AIG1: variants seen among roughly 807,000 people sequenced by gnomAD.
AIG1 encodes the protein androgen-induced gene 1 protein.
In AIG1, 23 loss-of-function variants were observed where a neutral mutation model predicts 31.4. The ratio of observed to expected loss-of-function variants is 0.73; its 90% CI spans 0.53 to 1.04. AIG1 has a LOEUF of 1.04. Among genes scored for constraint, AIG1 ranks in the 50% least tolerant of loss-of-function variants. AIG1 has a pLI of 0.00. For missense variants in AIG1, 274 were observed against 295.0 expected, an observed-to-expected ratio of 0.93 and a Z score of 0.52; for synonymous variants, 100 against 110.5, an observed-to-expected ratio of 0.90 and a Z score of 0.60.
chr6:143,213,759 C>A (rs965672218), intron 3 of AIG1, among the ~76,000 whole-genome samples: 1 of 151,564 alleles, frequency 6.6e-6, no homozygotes, highest in African/African-American at 2.4e-5. Context: ...TCAGGTGACC[C>A]ACCTGCCTCA....
chr6:143,065,123 T>A (rs1335812666), intron 1 of AIG1, among the ~76,000 whole-genome samples: 1 of 152,194 alleles, frequency 6.6e-6, no homozygotes, highest in Non-Finnish European at 1.5e-5. Context: ...TGGAATGTTG[T>A]AATGTTGGTT....
At chr6:143,290,063 G>A (rs1797948612) in intron 4 of AIG1, among the ~76,000 whole-genome samples, 1 of 152,036 alleles carries the variant, frequency 6.6e-6, no homozygotes, top group South Asian at 2.1e-4. Context: ...TTCTGGCATT[G>A]GAGAACCGAG....
At chr6:143,140,462 C>T (rs1332750361) in intron 2 of AIG1, among the ~76,000 whole-genome samples, 1 of 152,172 alleles carries the variant, frequency 6.6e-6, no homozygotes, top group East Asian at 1.9e-4. Context: ...CCTTTCTGTA[C>T]CTTTTTCCCT....
intron 3 of AIG1, among the ~76,000 whole-genome samples, chr6:143,214,954 C>T (rs371398130): frequency 3.9e-5 from 6 of 152,096 alleles, no homozygotes; most frequent in East Asian, 1.9e-4. Flanking sequence ...ACAAATATAC[C>T]GTGGTGTGGG....
chr6:143,204,788 A>G (rs545090327), intron 3 of AIG1, among the ~76,000 whole-genome samples: 126 of 152,272 alleles, frequency 8.3e-4, no homozygotes, highest in African/African-American at 2.9e-3. Context: ...TGTCCACCTC[A>G]GAGATAAGGA....
intron 3 of AIG1, among the ~76,000 whole-genome samples, chr6:143,190,980 A>AT (rs922717265): frequency 8.6e-5 from 13 of 150,646 alleles, no homozygotes; most frequent in South Asian, 2.1e-4. Context: ...GACACTATCT[A>AT]TTTTTTTTTA....
intron 1 of AIG1, among the ~76,000 whole-genome samples, chr6:143,071,736 C>T: frequency 6.6e-6 from 1 of 150,574 alleles, no homozygotes; most frequent in African/African-American, 2.4e-5. Flanking sequence ...CCTCTTTCTC[C>T]TCCCCCTCTT....
At chr6:143,090,803 G>A (rs890756897) in intron 1 of AIG1, among the ~76,000 whole-genome samples, 2 of 152,118 alleles carry the variant, frequency 1.3e-5, no homozygotes, top group Non-Finnish European at 2.9e-5. Flanking sequence ...CTGAAGGTTG[G>A]GGTGACTGGC....
Position 143,279,370 on chromosome 6 carries a change from G to A in AIG1, c.400-4740G>A, listed in dbSNP as rs1222287551. On this transcript the variant is annotated intron_variant, in intron 3 of 5. Transcript: ENST00000357847. This position sits in a 1 kb window ranked among gnomAD's most constrained non-coding sequence, Gnocchi z 5.4. ...AAGCTTCACACATGTGTGAGAACCT[G>A]CGGGTCTGAGAGTGAGGAAGGACAA... 6.6e-6 allele frequency among the ~76,000 whole-genome samples: 1 copy of A among 152,184 alleles called. No homozygotes were observed. Among genetic ancestry groups the A allele is most frequent in the Non-Finnish European group, 1.5e-5 (1 of 68,034 alleles).
intron 3 of AIG1, among the ~76,000 whole-genome samples, chr6:143,240,963 G>A (rs1016594445): frequency 5.3e-5 from 8 of 151,986 alleles, no homozygotes; most frequent in East Asian, 1.9e-4. Context: ...ACACATTCCC[G>A]TTTGCTCTTA....
chr6:143,286,595 A>G (rs1472123773), intron 4 of AIG1, among the ~76,000 whole-genome samples: 1 of 152,070 alleles, frequency 6.6e-6, no homozygotes, highest in Admixed American at 6.5e-5. Flanking sequence ...GGGCCGACAT[A>G]CCCGTGACAC....
chr6:143,185,175 A>G (rs982686421), intron 3 of AIG1, among the ~76,000 whole-genome samples: 8 of 147,594 alleles, frequency 5.4e-5, no homozygotes, highest in Admixed American at 1.4e-4. Context: ...CAGCCTGGCG[A>G]CAGAGCGAGA....
At chr6:143,216,009 A>AT (rs1375360073) in intron 3 of AIG1, among the ~76,000 whole-genome samples, 1 of 152,116 alleles carries the variant, frequency 6.6e-6, no homozygotes, top group Non-Finnish European at 1.5e-5. Context: ...GCTGGATTTG[A>AT]TTCATAGACT....
At chr6:143,312,435 G>A (rs1328840921) in intron 4 of AIG1, among the ~76,000 whole-genome samples, 4 of 151,926 alleles carry the variant, frequency 2.6e-5, no homozygotes, top group Non-Finnish European at 5.9e-5. Flanking sequence ...TTTTGACAAA[G>A]GTGCCAAAAA....
chr6:143,144,993 C>G (rs1784587431), intron 2 of AIG1, among the ~76,000 whole-genome samples: 1 of 152,182 alleles, frequency 6.6e-6, no homozygotes, highest in African/African-American at 2.4e-5. Flanking sequence ...TGTTGACAGG[C>G]AGTTTCAGGG....
intron 3 of AIG1, among the ~76,000 whole-genome samples, chr6:143,233,400 T>C (rs766612994): frequency 6.6e-6 from 1 of 151,982 alleles, no homozygotes; most frequent in African/African-American, 2.4e-5. Context: ...TTTGACGAGA[T>C]AAAGAAGAAG....
chr6:143,190,123 A>C, intron 3 of AIG1: 5 of 955,758 alleles, frequency 5.2e-6, no homozygotes, highest in Non-Finnish European at 6.2e-6. Flanking sequence ...CTAATGCTAT[A>C]ACCTTAGAGG....
At chr6:143,115,245 T>G (rs1464624538) in intron 1 of AIG1, among the ~76,000 whole-genome samples, 1 of 152,248 alleles carries the variant, frequency 6.6e-6, no homozygotes, top group East Asian at 1.9e-4. Context: ...GTATACATAT[T>G]TTAAAGGCTT....
chr6:143,242,830 T>A (rs770786877), intron 3 of AIG1, among the ~76,000 whole-genome samples: 9 of 152,210 alleles, frequency 5.9e-5, no homozygotes, highest in Non-Finnish European at 1.2e-4. Flanking sequence ...GTTTCATGCA[T>A]CTCTGCAGGA....
Sources: gnomAD v4.1 joint callset for allele counts (sites outside exome capture counted in the v4.1 genomes callset) on GRCh38, gnomAD v4.1.1 for gene constraint, Gnocchi (gnomAD v3.1) non-coding constraint, MANE v1.5 for transcripts, NCBI Gene and HGNC (gene_info 2026-07-23, HGNC 2026-07-21) for gene names.